The following FYCO1 variants were observed in gnomAD, a reference collection of about 807,000 sequenced individuals.
FYCO1 encodes FYVE and coiled-coil domain-containing protein 1.
A neutral mutation model predicts 165.1 loss-of-function variants in FYCO1; 122 were observed. The ratio of observed to expected loss-of-function variants is 0.74; its 90% CI spans 0.64 to 0.86. The LOEUF is 0.86. Ranked by LOEUF, FYCO1 falls within the 40% of genes least tolerant of loss-of-function variation. FYCO1 has a pLI of 0.00. For missense variants in FYCO1, 1,702 were observed against 1,810.3 expected (o/e 0.94, Z 1.09); for synonymous variants, 648 against 742.5 (o/e 0.87, Z 2.07).
intron 1 of FYCO1, among the ~76,000 whole-genome samples, chr3:45,992,520 T>G (rs996515197): frequency 6.6e-6 from 1 of 152,236 alleles, no homozygotes; most frequent in East Asian, 1.9e-4. Flanking sequence ...GCAACAAAGA[T>G]CATGCCATGG....
rs779018318 is a variant in FYCO1 at position 45,947,513 on chromosome 3, C to T, written c.3944+7736G>A. 21 of 1,608,330 alleles carry T rather than the reference C, an allele frequency of 1.3e-5. No individual in the cohort carries two copies. In the Admixed American group the frequency reaches 3.0e-4, roughly 23 times the overall value. On this transcript the variant is annotated intron_variant, in intron 14 of 17. Coordinates refer to ENST00000296137, the MANE Select transcript of FYCO1 (RefSeq NM_024513.4). Reference sequence around the variant, plus strand: ...CCACCAGCATGTTCCAGTTATAGGCCTTGCCAGGGTTTCGAGAAGCTGCTC... The same window carrying T: ...CCACCAGCATGTTCCAGTTATAGGCTTTGCCAGGGTTTCGAGAAGCTGCTC...
chr3:45,947,532 G>A (rs200730074), intron 14 of FYCO1: 3 of 1,596,756 alleles, frequency 1.9e-6, no homozygotes, highest in Admixed American at 1.7e-5. Flanking sequence ...GTTTCGAGAA[G>A]CTGCTCTGGA....
At chr3:45,924,916 G>A (rs1347218862) in intron 16 of FYCO1, among the ~76,000 whole-genome samples, 1 of 132,230 alleles carries the variant, frequency 7.6e-6, no homozygotes, top group Admixed American at 8.4e-5. Flanking sequence ...CTAGGCTAGA[G>A]CCAACCAACA....
chr3:45,958,684 A>G, intron 12 of FYCO1, 65 bp from the exon 13 acceptor site: 1 of 1,522,952 alleles, frequency 6.6e-7, no homozygotes, highest in Non-Finnish European at 9.1e-7. Flanking sequence ...TCTGCTCAGC[A>G]CCCAAACTGG....
chr3:45,953,071 A>G (rs747114706), intron 14 of FYCO1, among the ~76,000 whole-genome samples: 1 of 152,260 alleles, frequency 6.6e-6, no homozygotes, highest in Admixed American at 6.5e-5. Context: ...GGCTTTATCC[A>G]TGAAGCTATA....
Position 45,981,629 on chromosome 3 carries a change from T to C in FYCO1, c.103A>G (p.Ile35Val). Residue 35 changes from isoleucine (I) to valine (V), a missense_variant, in exon 3 of 18, where the codon ATC becomes GTC. Physicochemically the swap from Ile to Val is conservative, Grantham distance 29 (BLOSUM62 3). Transcript: ENST00000296137. ...TGCAAGCTGGTGCTGTCATCCGTGA[T>C]GGGTTCCCCTGCTTCCTGAAATTCT... ...SKEFQEAGEP[I>V]TDDSTSLHKF... The C allele has an allele frequency of 6.2e-7, 1 of 1,614,154 alleles. No individual in the cohort carries two copies. The highest frequency in any genetic ancestry group is 8.5e-7 in the Non-Finnish European group (1 of 1,179,948).
At chr3:45,984,304 T>A (rs912235832) in intron 2 of FYCO1, among the ~76,000 whole-genome samples, 1 of 152,176 alleles carries the variant, frequency 6.6e-6, no homozygotes, top group East Asian at 1.9e-4. Context: ...TTTTCTCCAG[T>A]GAGATAAGGG....
chr3:45,930,060 CTT>C (rs933360119), intron 16 of FYCO1, among the ~76,000 whole-genome samples: 1 of 152,224 alleles, frequency 6.6e-6, no homozygotes, highest in African/African-American at 2.4e-5. Context: ...TCACAGAACT[CTT>C]GTTTCACATG....
chr3:45,958,701 G>A, intron 12 of FYCO1, 82 bp from the exon 13 acceptor site: 3 of 1,348,512 alleles, frequency 2.2e-6, no homozygotes, highest in Non-Finnish European at 2.1e-6. Flanking sequence ...CTGGGCTCTG[G>A]ATGCCATGTG....
intron 1 of FYCO1, among the ~76,000 whole-genome samples, chr3:45,989,184 T>C (rs927762729): frequency 2.6e-5 from 4 of 152,198 alleles, no homozygotes; most frequent in African/African-American, 9.7e-5. Context: ...ACCTTACAGT[T>C]GGATTCCTCC....
intron 11 of FYCO1, among the ~76,000 whole-genome samples, chr3:45,960,066 T>C (rs989115648): frequency 3.9e-5 from 6 of 152,004 alleles, no homozygotes; most frequent in African/African-American, 1.5e-4. Flanking sequence ...CTCAGAGAGA[T>C]GGTAAGGTCA....
rs897781945 is a variant in FYCO1, at chr3:45,920,937, C to G, written c.*828G>C. 1 of 153,264 alleles carries G rather than the reference C, an allele frequency of 6.5e-6. No individual in the cohort carries two copies. The highest frequency in any genetic ancestry group is 2.4e-5 in the African/African-American group (1 of 41,460). The allele number at this position is 153,264 out of a possible 1,614,324, so 9.5% of individuals were successfully genotyped here. On this transcript the variant is annotated 3_prime_UTR_variant, in exon 18 of 18. Transcript: ENST00000296137. ...TCCTGCTCTGTGGTCACAACATCCA[C>G]ACTGGCTGGCATTTGGGCATTAGAT...
chr3:45,945,894 A>T (rs1417092819), intron 14 of FYCO1: 1 of 152,714 alleles, frequency 6.5e-6, no homozygotes, highest in Non-Finnish European at 1.5e-5. Context: ...CTACCTACCC[A>T]GGCAGAGCAG....
At chr3:45,982,802 G>A (rs1403717832) in intron 2 of FYCO1, among the ~76,000 whole-genome samples, 1 of 152,172 alleles carries the variant, frequency 6.6e-6, no homozygotes, top group African/African-American at 2.4e-5. Context: ...AGCAAATGGT[G>A]GAGACAGGTT....
At position 45,918,986 on chromosome 3, in the gene FYCO1, T is replaced by C. The variant is rs545634290; in HGVS notation, c.*2779A>G. ...TCTTGAAGGTGGTGAGTGGCTTCAG[T>C]GGCATGATGAAGAAGGCATCTGGTA... On this transcript the variant is annotated 3_prime_UTR_variant, in exon 18 of 18. Coordinates refer to ENST00000296137, the MANE Select transcript of FYCO1 (RefSeq NM_024513.4). 7 of 151,312 alleles carry C rather than the reference T, an allele frequency of 4.6e-5. No homozygotes were observed. Among genetic ancestry groups the C allele is most frequent in the African/African-American group, 1.5e-4 (6 of 41,112 alleles). The allele number at this position is 151,312 out of a possible 1,614,324, so 9.4% of individuals were successfully genotyped here.
intron 1 of FYCO1, among the ~76,000 whole-genome samples, chr3:45,989,723 CA>C (rs1707481330): frequency 6.6e-6 from 1 of 152,202 alleles, no homozygotes; most frequent in South Asian, 2.1e-4. Flanking sequence ...CCCTTCCCCC[CA>C]CCAACAATAG....
intron 14 of FYCO1, among the ~76,000 whole-genome samples, chr3:45,942,963 G>T (rs985736857): frequency 3.3e-5 from 5 of 152,192 alleles, no homozygotes; most frequent in African/African-American, 7.2e-5. Context: ...CCAGTTTCTA[G>T]CTGTGTGCAC....
intron 14 of FYCO1, among the ~76,000 whole-genome samples, chr3:45,953,864 G>T (rs569958073): frequency 3.9e-5 from 6 of 152,302 alleles, no homozygotes; most frequent in African/African-American, 1.2e-4. Context: ...GGGTTTATCT[G>T]CAGCTAAAGG....
intron 2 of FYCO1, among the ~76,000 whole-genome samples, chr3:45,981,931 G>A (rs1025955224): frequency 6.6e-6 from 1 of 152,198 alleles, no homozygotes; most frequent in African/African-American, 2.4e-5. Context: ...CCACCACCCA[G>A]GGCTAGTAAT....
Sources: gnomAD v4.1 joint callset for allele counts (sites outside exome capture counted in the v4.1 genomes callset) on GRCh38, gnomAD v4.1.1 for gene constraint, MANE v1.5 for transcripts, NCBI Gene and HGNC (gene_info 2026-07-23, HGNC 2026-07-21) for gene names.